CPNE3: variants seen among roughly 807,000 people sequenced by gnomAD.
The protein encoded by CPNE3 is copine-3.
CPNE3 carries 68 observed loss-of-function variants against 63.9 expected under a neutral mutation model. The ratio of observed to expected loss-of-function variants is 1.06; its 90% CI spans 0.87 to 1.30. The LOEUF is 1.30. Ranked by LOEUF, CPNE3 falls within the 50% of genes most tolerant of loss-of-function variation. CPNE3 has a pLI of 0.00. For missense variants in CPNE3, 665 were observed against 578.1 expected (o/e 1.15, Z -1.54); for synonymous variants, 219 against 197.5 (o/e 1.11, Z -0.91).
intron 11 of CPNE3, 103 bp from the exon 12 acceptor site, chr8:86,548,198 G>A (rs949757041): frequency 4.9e-5 from 60 of 1,216,728 alleles, no homozygotes; most frequent in Non-Finnish European, 6.3e-5. Context: ...GGAAGTAGGC[G>A]CCAGGATGCA....
chr8:86,516,082 AT>A (rs1820300527), intron 2 of CPNE3, among the ~76,000 whole-genome samples: 1 of 152,204 alleles, frequency 6.6e-6, no homozygotes, highest in South Asian at 2.1e-4. Context: ...AATTGGAAAA[AT>A]ACATCCCACT....
chr8:86,551,874 G>A (rs566232201), intron 14 of CPNE3, among the ~76,000 whole-genome samples: 1 of 152,190 alleles, frequency 6.6e-6, no homozygotes, highest in Non-Finnish European at 1.5e-5. Flanking sequence ...GGCCAGGCTG[G>A]TCTTGAACTC....
At chr8:86,529,576 TG>T (rs1313595741) in intron 4 of CPNE3, among the ~76,000 whole-genome samples, 2 of 152,198 alleles carry the variant, frequency 1.3e-5, no homozygotes, top group South Asian at 2.1e-4. Context: ...AAACCTTCTC[TG>T]ACCCTCTAGA....
intron 2 of CPNE3, among the ~76,000 whole-genome samples, chr8:86,523,038 T>G (rs780659940): frequency 9.5e-4 from 144 of 152,196 alleles, no homozygotes; most frequent in Non-Finnish European, 1.6e-3. Flanking sequence ...GAAAGCTGCT[T>G]TATGTCTTAC....
intron 4 of CPNE3, 57 bp downstream of exon 4, chr8:86,529,181 G>A (rs1043010628): frequency 3.4e-6 from 5 of 1,478,382 alleles, no homozygotes; most frequent in East Asian, 2.3e-5. Context: ...AATGAATTTG[G>A]TGGTGTTTTT....
At chr8:86,528,906 G>T in intron 3 of CPNE3, 39 bp from the exon 4 acceptor site, 1 of 1,558,460 alleles carries the variant, frequency 6.4e-7, no homozygotes, top group South Asian at 1.2e-5. Flanking sequence ...GTGCACCTTT[G>T]ATCTGAAGAA....
rs1821391022 is a variant in CPNE3 at position 86,559,520 on chromosome 8, TA to T, written c.*1111del. On this transcript the variant is annotated 3_prime_UTR_variant, in exon 17 of 17. Transcript: ENST00000517490. The stretch of plus-strand genomic sequence containing the variant: ...TGCATTTTACAATTTAATAATGTGA[TA>T]TTTCCTATGTCTACAGCATACCTTA... 2 of 152,326 alleles carry T rather than the reference TA, an allele frequency of 1.3e-5. No individual in the cohort carries two copies. Among genetic ancestry groups the T allele is most frequent in the Non-Finnish European group, 2.9e-5 (2 of 68,026 alleles). 9.4% of individuals were successfully genotyped at this position (152,326 alleles called of 1,614,324 possible). A position where few individuals can be genotyped will look rare whatever the true frequency, so the allele number is the denominator to read the frequency against.
intron 2 of CPNE3, among the ~76,000 whole-genome samples, chr8:86,519,838 C>G (rs572334209): frequency 6.6e-6 from 1 of 152,288 alleles, no homozygotes; most frequent in East Asian, 1.9e-4. Flanking sequence ...CTCAGCCTCC[C>G]ATGTAGCTGG....
chr8:86,557,567 A>G (rs564681545), intron 16 of CPNE3, among the ~76,000 whole-genome samples: 4 of 152,316 alleles, frequency 2.6e-5, no homozygotes, highest in African/African-American at 9.6e-5. Context: ...TAAAGTGGCT[A>G]TATCATTTAA....
At chr8:86,542,986 T>C (rs936521056) in intron 8 of CPNE3, among the ~76,000 whole-genome samples, 2 of 152,122 alleles carry the variant, frequency 1.3e-5, no homozygotes, top group African/African-American at 4.8e-5. Flanking sequence ...TATAAATTGG[T>C]GTTCCCTGAT....
chr8:86,515,836 A>G (rs1372188130), intron 2 of CPNE3, among the ~76,000 whole-genome samples: 1 of 152,238 alleles, frequency 6.6e-6, no homozygotes, highest in Non-Finnish European at 1.5e-5. Context: ...AAGGGTCAGC[A>G]AACTAGCTCT....
chr8:86,518,281 C>T (rs1820358507), intron 2 of CPNE3, among the ~76,000 whole-genome samples: 1 of 152,148 alleles, frequency 6.6e-6, no homozygotes, highest in Non-Finnish European at 1.5e-5. Context: ...GTTCTGGTGG[C>T]TGGTTCAACA....
rs1402016538 is a variant in CPNE3, at chr8:86,561,030, A to G, written c.*2620A>G. On this transcript the variant is annotated 3_prime_UTR_variant, in exon 17 of 17. Coordinates refer to ENST00000517490, the MANE Select transcript of CPNE3 (RefSeq NM_003909.5). Reference sequence around the variant, plus strand: ...ACCTAACCTTGTGGTTAGAATTGCAATTTTAAGACCAGAAAAATTTGAAGT... The same window carrying G: ...ACCTAACCTTGTGGTTAGAATTGCAGTTTTAAGACCAGAAAAATTTGAAGT... 1 of 152,218 alleles carries G rather than the reference A, an allele frequency of 6.6e-6. No individual in the cohort carries two copies. Among genetic ancestry groups the G allele is most frequent in the African/African-American group, 2.4e-5 (1 of 41,458 alleles). The allele number at this position is 152,218 out of a possible 1,614,324, so 9.4% of individuals were successfully genotyped here.
chr8:86,520,339 T>A (rs1276561732), intron 2 of CPNE3, among the ~76,000 whole-genome samples: 1 of 152,050 alleles, frequency 6.6e-6, no homozygotes, highest in African/African-American at 2.4e-5. Context: ...GCGGATTACC[T>A]GAAGTCAGGA....
chr8:86,552,754 A>C (rs1821209111), intron 14 of CPNE3, among the ~76,000 whole-genome samples: 1 of 151,702 alleles, frequency 6.6e-6, no homozygotes. Flanking sequence ...ACTTTGATGC[A>C]TAGAAAGGGT....
At chr8:86,531,412 A>G (rs1207244890) in intron 5 of CPNE3, among the ~76,000 whole-genome samples, 183 bp downstream of exon 5, 1 of 152,204 alleles carries the variant, frequency 6.6e-6, no homozygotes, top group Admixed American at 6.5e-5. Flanking sequence ...ACCAGGGGAA[A>G]CATGCAGTGT....
At chr8:86,550,124 T>C (rs572193303) in intron 12 of CPNE3, among the ~76,000 whole-genome samples, 88 of 152,248 alleles carry the variant, frequency 5.8e-4, no homozygotes, top group Non-Finnish European at 1.2e-3. Flanking sequence ...GAGGAAAACC[T>C]TTAAGCAAGA....
chr8:86,532,117 A>G (rs112108525), intron 5 of CPNE3, among the ~76,000 whole-genome samples: 2 of 152,240 alleles, frequency 1.3e-5, no homozygotes, highest in African/African-American at 4.8e-5. Flanking sequence ...GATGAAAAAC[A>G]TTGATCTGAT....
chr8:86,528,944 G>T lies in CPNE3; in HGVS notation c.133-1G>T, dbSNP rs780586596. ...TTTTTTGTTTTTGCGGATGGGTGTA[G>T]GTTGAGCGCACAGAAAGGATTAAGA... On this transcript the variant is annotated splice_acceptor_variant, in intron 3 of 16. Transcript: ENST00000517490. LOFTEE classifies it high-confidence loss of function. 1.2e-6 allele frequency: 2 copies of T among 1,611,766 alleles called. No homozygotes were observed. Among genetic ancestry groups the T allele is most frequent in the East Asian group, 2.2e-5 (1 of 44,838 alleles).
Sources: gnomAD v4.1 joint callset for allele counts (sites outside exome capture counted in the v4.1 genomes callset) on GRCh38, gnomAD v4.1.1 for gene constraint, MANE v1.5 for transcripts, NCBI Gene and HGNC (gene_info 2026-07-23, HGNC 2026-07-21) for gene names.